CNOT6L: variants seen among roughly 807,000 people sequenced by gnomAD.
The protein encoded by CNOT6L is CCR4-NOT transcription complex subunit 6-like.
A neutral mutation model predicts 64.0 loss-of-function variants in CNOT6L; 7 were observed. That is an observed-to-expected ratio of 0.11 (90% CI 0.06 to 0.21). The LOEUF (loss-of-function observed/expected upper bound fraction) is 0.21. Among genes scored for constraint, CNOT6L ranks in the 10% least tolerant of loss-of-function variants. The pLI, the probability that CNOT6L is intolerant of heterozygous loss-of-function variation, is 1.00. For missense variants in CNOT6L, 245 were observed against 669.0 expected, an observed-to-expected ratio of 0.37 and a Z score of 6.99; for synonymous variants, 193 against 243.4, an observed-to-expected ratio of 0.79 and a Z score of 1.93.
At chr4:77,809,057 T>G (rs1732602270) in intron 1 of CNOT6L, among the ~76,000 whole-genome samples, 1 of 152,194 alleles carries the variant, frequency 6.6e-6, no homozygotes, top group Non-Finnish European at 1.5e-5. Context: ...TTTACAGGAC[T>G]ACATCATTTA....
chr4:77,714,743 T>G lies in CNOT6L; in HGVS notation c.*5688A>C, dbSNP rs528399305. The G allele has an allele frequency of 5.9e-5, 9 of 152,598 alleles. No homozygotes were observed. The highest frequency in any genetic ancestry group is 2.2e-4 in the African/African-American group (9 of 41,448). The allele number at this position is 152,598 out of a possible 1,614,324, so 9.5% of individuals were successfully genotyped here. On this transcript the variant is annotated 3_prime_UTR_variant, in exon 12 of 12. Coordinates refer to ENST00000504123, the MANE Select transcript of CNOT6L (RefSeq NM_144571.3). ...CATCCAAATCCCTCCCCTTGAAAAG[T>G]TGGCAGAGCACCGCTCAGGAATTTC...
chr4:77,768,474 A>AATATAT (rs1193284066), intron 4 of CNOT6L, among the ~76,000 whole-genome samples: 276 of 12,778 alleles, frequency 0.022, 1 homozygote, highest in East Asian at 0.037. Flanking sequence ...AAAATAAATA[A>AATATAT]ATATATATAT....
chr4:77,767,919 C>A (rs1727036593), intron 4 of CNOT6L, among the ~76,000 whole-genome samples: 1 of 140,374 alleles, frequency 7.1e-6, no homozygotes, highest in Non-Finnish European at 1.5e-5. Flanking sequence ...GCAGAGGTTG[C>A]AGCAAGCTGA....
intron 1 of CNOT6L, among the ~76,000 whole-genome samples, chr4:77,805,163 T>C (rs947494815): frequency 2.0e-5 from 3 of 152,176 alleles, no homozygotes; most frequent in African/African-American, 4.8e-5. Context: ...GAAACTACTG[T>C]ATATATTATA....
chr4:77,819,613 G>GGGCGGC (rs889653462), upstream of CNOT6L: 3 of 163,306 alleles, frequency 1.8e-5, no homozygotes, highest in Non-Finnish European at 3.8e-5. Flanking sequence ...GCCGGGGTCC[G>GGGCGGC]GGCGGCGGCG....
At chr4:77,812,435 CTCAAAAAAAAAA>C (rs1197512639) in intron 1 of CNOT6L, among the ~76,000 whole-genome samples, 19 of 138,530 alleles carry the variant, frequency 1.4e-4, no homozygotes, top group African/African-American at 5.4e-4. Context: ...GAGACTCCAT[CTCAAAAAAAAAA>C]GAAAAAAAAA....
At chr4:77,752,486 G>A (rs553233238) in intron 5 of CNOT6L, among the ~76,000 whole-genome samples, 13 of 152,104 alleles carry the variant, frequency 8.5e-5, no homozygotes, top group African/African-American at 3.1e-4. Flanking sequence ...CATCTGCAGA[G>A]GTAATAAATA....
At chr4:77,747,331 C>A (rs1724309811) in intron 6 of CNOT6L, among the ~76,000 whole-genome samples, 1 of 152,028 alleles carries the variant, frequency 6.6e-6, no homozygotes, top group Non-Finnish European at 1.5e-5. Flanking sequence ...CACGACCTGG[C>A]TAATTTTTGT....
intron 1 of CNOT6L, chr4:77,819,028 TCCCGGCCC>T (rs2110205809): frequency 1.6e-6 from 1 of 610,448 alleles, no homozygotes; most frequent in East Asian, 3.1e-5. Context: ...CACTCTGGGG[TCCCGGCCC>T]CGGGCCACCC....
chr4:77,745,839 C>T (rs776322108), intron 6 of CNOT6L, among the ~76,000 whole-genome samples: 17 of 152,182 alleles, frequency 1.1e-4, no homozygotes, highest in Admixed American at 3.3e-4. Context: ...TTAAATAAGA[C>T]GTGAGGAATT....
intron 1 of CNOT6L, among the ~76,000 whole-genome samples, chr4:77,798,326 T>C (rs1458867621): frequency 3.9e-5 from 6 of 152,104 alleles, no homozygotes; most frequent in African/African-American, 1.4e-4. Context: ...ATAAATAATT[T>C]TTTTAAAAAA....
intron 1 of CNOT6L, among the ~76,000 whole-genome samples, chr4:77,800,065 CAA>C (rs10711375): frequency 0.011 from 1,696 of 149,348 alleles, 19 homozygotes; most frequent in East Asian, 0.045. Context: ...TATACTCCAT[CAA>C]AAAAAAAAAC....
At chr4:77,766,226 A>T (rs1726803704) in intron 4 of CNOT6L, among the ~76,000 whole-genome samples, 2 of 152,204 alleles carry the variant, frequency 1.3e-5, no homozygotes, top group African/African-American at 2.4e-5. Context: ...GTATATATAT[A>T]TTTTACCATA....
At chr4:77,764,280 T>C (rs1280935774) in intron 4 of CNOT6L, among the ~76,000 whole-genome samples, 1 of 152,226 alleles carries the variant, frequency 6.6e-6, no homozygotes, top group Non-Finnish European at 1.5e-5. Context: ...AGTAACTATA[T>C]ATGAATCACT....
Position 77,753,449 on chromosome 4 carries a change from T to C in CNOT6L, c.490+3413A>G, listed in dbSNP as rs187947517. 3.9e-4 allele frequency among the ~76,000 whole-genome samples: 60 copies of C among 152,134 alleles called. No individual in the cohort carries two copies. The East Asian group carries it at 8.7e-3, about 22-fold the overall frequency. On this transcript the variant is annotated intron_variant, in intron 5 of 11. Coordinates refer to ENST00000504123, the MANE Select transcript of CNOT6L (RefSeq NM_144571.3). ...ATTTTGAGAAGCCAAGGTGAGCTGA[T>C]TGCTTGAGGTCAGGAGTTCGAGACC...
At chr4:77,745,828 T>C (rs910264151) in intron 6 of CNOT6L, among the ~76,000 whole-genome samples, 1 of 152,198 alleles carries the variant, frequency 6.6e-6, no homozygotes, top group African/African-American at 2.4e-5. Context: ...GAATCACTTA[T>C]TTAAATAAGA....
chr4:77,819,360 AACACACACACAAACACGCGC>A, exon 1 of CNOT6L: 1 of 1,611,112 alleles, frequency 6.2e-7, no homozygotes, highest in Non-Finnish European at 8.5e-7. Flanking sequence ...CGGCAGGGGA[AACACACACACAAACACGCGC>A]GCGCGCGCGC....
At chr4:77,795,023 T>TA (rs1198404958) in intron 1 of CNOT6L, among the ~76,000 whole-genome samples, 2 of 145,526 alleles carry the variant, frequency 1.4e-5, no homozygotes, top group Non-Finnish European at 3.0e-5. Flanking sequence ...AAATTTTTCT[T>TA]TTTTTTTTTT....
At chr4:77,815,174 T>C (rs1733422488) in intron 1 of CNOT6L, among the ~76,000 whole-genome samples, 1 of 152,190 alleles carries the variant, frequency 6.6e-6, no homozygotes, top group South Asian at 2.1e-4. Flanking sequence ...GTGTTTCCTA[T>C]GAAACTATAC....
Sources: allele counts gnomAD v4.1 joint callset (sites outside exome capture counted in the v4.1 genomes callset), GRCh38; gene constraint gnomAD v4.1.1; transcripts MANE v1.5; gene names NCBI Gene and HGNC (gene_info 2026-07-23, HGNC 2026-07-21).